CKMT2: variants seen among roughly 807,000 people sequenced by gnomAD.
The protein encoded by CKMT2 is creatine kinase S-type, mitochondrial.
Under a neutral mutation model 48.9 loss-of-function variants are expected in CKMT2, and 43 were observed. The observed-to-expected ratio is 0.88, with a 90% CI of 0.69 to 1.13. The LOEUF is 1.13. CKMT2 is among the 50% of genes most tolerant of loss of function. The probability of loss-of-function intolerance (pLI) is 0.00; values close to 1 mark genes in which losing one functional copy is unlikely to be tolerated. For synonymous variants in CKMT2, 206 were observed against 213.0 expected (o/e 0.97, Z 0.29); for missense variants, 472 against 555.4 (o/e 0.85, Z 1.51).
At chr5:81,251,468 G>T (rs1392653729) in intron 2 of CKMT2, among the ~76,000 whole-genome samples, 184 bp downstream of exon 2, 1 of 152,112 alleles carries the variant, frequency 6.6e-6, no homozygotes. Context: ...CATGCCTGTA[G>T]TCCCAGCTAC....
chr5:81,257,039 A>AGGATGTTT, intron 6 of CKMT2, 39 bp downstream of exon 6: 2 of 1,560,488 alleles, frequency 1.3e-6, no homozygotes, highest in South Asian at 1.1e-5. Context: ...ATATCTGTAG[A>AGGATGTTT]GGATGTTTTT....
chr5:81,253,433 C>T (rs1010761042), intron 3 of CKMT2, among the ~76,000 whole-genome samples: 8 of 152,216 alleles, frequency 5.3e-5, no homozygotes, highest in South Asian at 2.1e-4. Flanking sequence ...GCATCCTCAT[C>T]CTCAATGCAG....
At chr5:81,240,721 G>C (rs1487486353) in intron 1 of CKMT2, among the ~76,000 whole-genome samples, 5 of 152,152 alleles carry the variant, frequency 3.3e-5, no homozygotes, top group Non-Finnish European at 7.3e-5. Flanking sequence ...TAATGTCTCT[G>C]TTTTTGAGTT....
chr5:81,257,110 ACTG>A, intron 6 of CKMT2, 110 bp downstream of exon 6: 1 of 767,366 alleles, frequency 1.3e-6, no homozygotes, highest in Non-Finnish European at 2.2e-6. Flanking sequence ...GCATGCCCAG[ACTG>A]AGCTAAATGG....
At chr5:81,237,371 A>G (rs1278008891) in intron 1 of CKMT2, among the ~76,000 whole-genome samples, 5 of 152,044 alleles carry the variant, frequency 3.3e-5, no homozygotes, top group Non-Finnish European at 5.9e-5. Context: ...AGACCTCATC[A>G]TGCCCATGAT....
At chr5:81,237,493 C>G (rs1756282276) in intron 1 of CKMT2, 1 of 148,244 alleles carries the variant, frequency 6.7e-6, no homozygotes, top group South Asian at 2.1e-4. Context: ...TGTGAGGGCC[C>G]CACTCTTGGA....
intron 1 of CKMT2, among the ~76,000 whole-genome samples, chr5:81,237,007 C>A (rs559882434): frequency 3.3e-4 from 50 of 152,068 alleles, no homozygotes; most frequent in African/African-American, 1.1e-3. Context: ...AAATTAGCCA[C>A]ATGTGGTGGT....
Position 81,252,825 on chromosome 5 carries a change from G to A in CKMT2, c.283G>A (p.Val95Met). Reference sequence around the variant, plus strand: ...GCTGGACCAGTGCATCCAGACTGGAGTGGACAACCCTGGCCACCCCTTCAT... The same window carrying A: ...GCTGGACCAGTGCATCCAGACTGGAATGGACAACCCTGGCCACCCCTTCAT... ...YTLDQCIQTG[V>M]DNPGHPFIKT... Residue 95 changes from valine (V) to methionine (M), a missense_variant, in exon 3 of 10, where the codon GTG becomes ATG. Physicochemically the swap from Val to Met is conservative, Grantham distance 21. Coordinates refer to ENST00000254035, the MANE Select transcript of CKMT2 (RefSeq NM_001099735.2). The A allele has an allele frequency of 6.2e-7, 1 of 1,614,258 alleles. No homozygotes were observed. Among genetic ancestry groups the A allele is most frequent in the Middle Eastern group, 1.6e-4 (1 of 6,062 alleles).
intron 1 of CKMT2, among the ~76,000 whole-genome samples, chr5:81,239,935 G>GT (rs1756379972): frequency 6.6e-6 from 1 of 152,060 alleles, no homozygotes; most frequent in South Asian, 2.1e-4. Flanking sequence ...AGCACACAGC[G>GT]TTTTTTTCCT....
intron 1 of CKMT2, among the ~76,000 whole-genome samples, chr5:81,248,154 A>G (rs2112796812): frequency 6.6e-6 from 1 of 152,272 alleles, no homozygotes; most frequent in South Asian, 2.1e-4. Context: ...TCTGCTTCCT[A>G]AGATTTATCA....
At chr5:81,258,652 G>A (rs371022178) in intron 7 of CKMT2, among the ~76,000 whole-genome samples, 1 of 152,138 alleles carries the variant, frequency 6.6e-6, no homozygotes, top group East Asian at 1.9e-4. Context: ...GGGTAAGCCA[G>A]CATTACTACC....
At chr5:81,263,670 A>G in intron 9 of CKMT2, 54 bp downstream of exon 9, 6 of 1,527,176 alleles carry the variant, frequency 3.9e-6, no homozygotes, top group South Asian at 2.5e-5. Flanking sequence ...CCTAAGAGAG[A>G]ATAGAGAAAA....
chr5:81,248,389 C>A (rs181494684), intron 1 of CKMT2, among the ~76,000 whole-genome samples: 1 of 152,186 alleles, frequency 6.6e-6, no homozygotes, highest in Non-Finnish European at 1.5e-5. Context: ...TCTAGAGTGA[C>A]AGCATTGCCT....
chr5:81,263,543 C>A lies in CKMT2; in HGVS notation c.1067C>A (p.Thr356Lys). Residue 356 changes from threonine to lysine, a missense_variant, in exon 9 of 10, where the codon ACA becomes AAA. Thr to Lys is a moderately conservative substitution (Grantham distance 78, BLOSUM62 -1). Transcript: ENST00000254035. ...AACCTAAGACTCCAGAAGCGTGGCA[C>A]AGGTGGTGTGGACACTGCCGCGGTC... ...LENLRLQKRG[T>K]GGVDTAAVAD... 6.2e-7 allele frequency: 1 copy of A among 1,613,134 alleles called. No individual in the cohort carries two copies. The highest frequency in any genetic ancestry group is 8.5e-7 in the Non-Finnish European group (1 of 1,179,436).
In CKMT2 at chr5:81,263,554, G is replaced by C; in HGVS notation, c.1078G>C (p.Asp360His). The C allele has an allele frequency of 6.2e-7, 1 of 1,613,160 alleles. No homozygotes were observed. Among genetic ancestry groups the C allele is most frequent in the Non-Finnish European group, 8.5e-7 (1 of 1,179,432 alleles). Reference sequence around the variant, plus strand: ...CCAGAAGCGTGGCACAGGTGGTGTGGACACTGCCGCGGTCGCAGATGTGTA... The same window carrying C: ...CCAGAAGCGTGGCACAGGTGGTGTGCACACTGCCGCGGTCGCAGATGTGTA... ...RLQKRGTGGV[D>H]TAAVADVYDI... The change falls in exon 9 of 10, where the codon GAC (aspartate) becomes CAC (histidine). Residue 360 changes from aspartate (D) to histidine (H), a missense_variant. Asp to His is a moderately conservative substitution (Grantham distance 81, BLOSUM62 -1). Coordinates refer to ENST00000254035, the MANE Select transcript of CKMT2 (RefSeq NM_001099735.2).
At chr5:81,247,124 C>G (rs984541691) in intron 1 of CKMT2, among the ~76,000 whole-genome samples, 10 of 152,176 alleles carry the variant, frequency 6.6e-5, no homozygotes, top group Non-Finnish European at 1.5e-4. Context: ...AACATCCTGG[C>G]TGCTCTGGTT....
Position 81,255,027 on chromosome 5 carries a change from T to C in CKMT2, c.482T>C (p.Leu161Pro), listed in dbSNP as rs759685009. 1.2e-6 allele frequency: 2 copies of C among 1,614,000 alleles called. No individual in the cohort carries two copies. The highest frequency in any genetic ancestry group is 1.1e-5 in the South Asian group (1 of 91,088). The part of the protein sequence containing the change: ...TQGQFDEHYV[L>P]SSRVRTGRSI... ...GGGCAGTTCGACGAGCATTACGTGC[T>C]GTCTTCTCGGGTGCGCACTGGCCGC... is the stretch of plus-strand genomic sequence containing the variant. Residue 161 changes from leucine to proline, a missense_variant, in exon 5 of 10, where the codon CTG becomes CCG. Physicochemically the swap from Leu to Pro is moderately conservative, Grantham distance 98 (BLOSUM62 -3). Transcript: ENST00000254035.
rs1561290595 is a variant in CKMT2, at chr5:81,266,195, G to A, written c.1197G>A (p.Lys399=). The change falls in exon 10 of 10, where the codon AAG becomes AAA. Residue 399 remains lysine, a synonymous_variant. Transcript: ENST00000254035. ...DGVNYLVDCE[K]KLERGQDIKV... is the part of the protein sequence containing the mutation. Reference sequence around the variant, plus strand: ...TCAATTACCTGGTGGATTGTGAAAAGAAGTTGGAGAGAGGCCAAGATATTA... The same window carrying A: ...TCAATTACCTGGTGGATTGTGAAAAAAAGTTGGAGAGAGGCCAAGATATTA... 1 of 1,613,426 alleles carries A rather than the reference G, an allele frequency of 6.2e-7. No individual in the cohort carries two copies. Among genetic ancestry groups the A allele is most frequent in the Admixed American group, 1.7e-5 (1 of 60,008 alleles).
chr5:81,252,279 A>G (rs1043713630), intron 2 of CKMT2: 4 of 211,704 alleles, frequency 1.9e-5, no homozygotes, highest in Admixed American at 5.2e-5. Context: ...CTCTTATGAA[A>G]ATCAGGATCT....
Sources: gnomAD v4.1 joint callset for allele counts (sites outside exome capture counted in the v4.1 genomes callset) on GRCh38, gnomAD v4.1.1 for gene constraint, MANE v1.5 for transcripts, NCBI Gene and HGNC (gene_info 2026-07-23, HGNC 2026-07-21) for gene names.